The following HDLBP variants were observed in gnomAD, a reference collection of about 807,000 sequenced individuals.
HDLBP encodes the protein high density lipoprotein binding protein.
In HDLBP, 30 loss-of-function variants were observed where a neutral mutation model predicts 137.3. That is an observed-to-expected ratio of 0.22 (90% CI 0.16 to 0.30). The LOEUF is 0.30. Ranked by LOEUF, HDLBP falls within the 10% of genes least tolerant of loss-of-function variation. HDLBP has a pLI of 1.00. For synonymous variants in HDLBP, 606 were observed against 596.0 expected, an observed-to-expected ratio of 1.02 and a Z score of -0.24; for missense variants, 1,119 against 1,667.3, an observed-to-expected ratio of 0.67 and a Z score of 5.73.
chr2:241,308,692 C>G (rs1331581674), intron 1 of HDLBP, among the ~76,000 whole-genome samples: 1 of 152,200 alleles, frequency 6.6e-6, no homozygotes, highest in Non-Finnish European at 1.5e-5. Flanking sequence ...AGTGAAGTAG[C>G]TGAAGGCACA....
intron 11 of HDLBP, among the ~76,000 whole-genome samples, chr2:241,251,851 C>T (rs1559503824): frequency 6.6e-6 from 1 of 152,162 alleles, no homozygotes; most frequent in Non-Finnish European, 1.5e-5. Flanking sequence ...GTGGTGCACG[C>T]CTGTAATCCC....
In HDLBP at chr2:241,297,294, C is replaced by CA. The variant is rs2075215032; in HGVS notation, c.-103+18275_-103+18276insT. Among the ~76,000 whole-genome samples the CA allele has an allele frequency of 2.0e-5, 3 of 152,186 alleles. No individual in the cohort carries two copies. In the South Asian group the frequency reaches 6.2e-4, roughly 32 times the overall value. On this transcript the variant is annotated intron_variant, in intron 1 of 27. Transcript: ENST00000310931. ...GCAGGAAGGTCAACAAGAGGAGCCT[C>CA]GTTCCATACAGGGTGAATAATCAAG... is the stretch of plus-strand genomic sequence containing the variant.
At position 241,233,609 on chromosome 2, in the gene HDLBP, C is replaced by T. The variant is rs1215097434; in HGVS notation, c.3288+211G>A. 6.6e-6 allele frequency among the ~76,000 whole-genome samples: 1 copy of T among 152,034 alleles called. No individual in the cohort carries two copies. The highest frequency in any genetic ancestry group is 1.5e-5 in the Non-Finnish European group (1 of 68,002). ...GAGACGCAGGAGAAAATGCTCCAGG[C>T]CCCAGATGATACATAGTGCCAGAGA... On this transcript the variant is annotated intron_variant, in intron 24 of 27. Transcript: ENST00000310931. This position sits in a 1 kb window ranked among gnomAD's most constrained non-coding sequence, Gnocchi z 4.3.
chr2:241,279,667 T>C (rs1010184497), intron 1 of HDLBP, among the ~76,000 whole-genome samples: 3 of 151,958 alleles, frequency 2.0e-5, no homozygotes, highest in African/African-American at 4.8e-5. Flanking sequence ...TTATCTACAG[T>C]AGGAGGGAAA....
Position 241,272,413 on chromosome 2 carries a change from G to GC in HDLBP, c.-102-3873dup. 1 of 984,440 alleles carries GC rather than the reference G, an allele frequency of 1.0e-6. No individual in the cohort carries two copies. The highest frequency in any genetic ancestry group is 1.2e-6 in the Non-Finnish European group (1 of 829,602). The allele number at this position is 984,440 out of a possible 1,614,324, so 61.0% of individuals were successfully genotyped here. On this transcript the variant is annotated intron_variant, in intron 1 of 27. Coordinates refer to ENST00000310931, the MANE Select transcript of HDLBP (RefSeq NM_005336.6). The surrounding 1 kb of genome is among the most constrained non-coding windows in gnomAD (Gnocchi z 5.6). ...GCCGTGCGGCCACGGCACCAGGGGT[G>GC]CCCCACCGAAGCCCCGGGAGGAGGC...
At position 241,294,840 on chromosome 2, in the gene HDLBP, C is replaced by T. The variant is rs191020348; in HGVS notation, c.-103+20730G>A. Among the ~76,000 whole-genome samples the T allele has an allele frequency of 3.9e-5, 6 of 152,276 alleles. No homozygotes were observed. The East Asian group carries it at 9.6e-4, about 24-fold the overall frequency. On this transcript the variant is annotated intron_variant, in intron 1 of 27. Transcript: ENST00000310931. Reference sequence around the variant, plus strand: ...AATAGGCCAGACCCAGTGGCTCACACCTGTAATCCCAGCACTTTGGGAGGC... The same window carrying T: ...AATAGGCCAGACCCAGTGGCTCACATCTGTAATCCCAGCACTTTGGGAGGC...
At chr2:241,246,403 C>A (rs1257001584) in intron 16 of HDLBP, among the ~76,000 whole-genome samples, 1 of 152,110 alleles carries the variant, frequency 6.6e-6, no homozygotes, top group Non-Finnish European at 1.5e-5. Context: ...AAAACTATTA[C>A]ATTGTACACT....
chr2:241,252,936 G>C, intron 11 of HDLBP, 21 bp downstream of exon 11: 4 of 1,571,204 alleles, frequency 2.5e-6, no homozygotes, highest in Non-Finnish European at 3.5e-6. Flanking sequence ...TGGCCCCACC[G>C]CAACAGACAG....
chr2:241,258,346 CAAAAAAAAAAAA>C (rs34675892), intron 5 of HDLBP, among the ~76,000 whole-genome samples: 5 of 55,458 alleles, frequency 9.0e-5, no homozygotes, highest in East Asian at 1.3e-3. Context: ...GACTCCGTCT[CAAAAAAAAAAAA>C]AAAAAAAAAA....
chr2:241,229,544 C>G lies in HDLBP; in HGVS notation c.*57G>C. 3.1e-6 allele frequency: 4 copies of G among 1,286,372 alleles called. No homozygotes were observed. Among genetic ancestry groups the G allele is most frequent in the Non-Finnish European group, 4.5e-6 (4 of 889,256 alleles). 79.7% of individuals were successfully genotyped at this position (1,286,372 alleles called of 1,614,324 possible). On this transcript the variant is annotated 3_prime_UTR_variant, in exon 28 of 28. Transcript: ENST00000310931. ...GCCGCTGGGTCAGATTGAGACAAACCATTGTGTGGTTGGGTTTGGGTCAGC... is the reference window on the plus strand; with the variant it reads ...GCCGCTGGGTCAGATTGAGACAAACGATTGTGTGGTTGGGTTTGGGTCAGC...
chr2:241,230,632 C>T lies in HDLBP; in HGVS notation c.3474+127G>A. On this transcript the variant is annotated intron_variant, in intron 25 of 27. Coordinates refer to ENST00000310931, the MANE Select transcript of HDLBP (RefSeq NM_005336.6). The surrounding 1 kb of genome is among the most constrained non-coding windows in gnomAD (Gnocchi z 5.0). ...CCCGTGGTGTCCATGAGGACAGTTC[C>T]ACTGCCAGCCCTGGGGTTGTGGCCT... 1 of 815,490 alleles carries T rather than the reference C, an allele frequency of 1.2e-6. No homozygotes were observed. The allele number at this position is 815,490 out of a possible 1,614,324, so 50.5% of individuals were successfully genotyped here. A position where few individuals can be genotyped will look rare whatever the true frequency, so the allele number is the denominator to read the frequency against.
At chr2:241,244,349 A>C (rs906868173) in intron 16 of HDLBP, among the ~76,000 whole-genome samples, 1 of 152,218 alleles carries the variant, frequency 6.6e-6, no homozygotes, top group African/African-American at 2.4e-5. Flanking sequence ...TATATTCAAG[A>C]AGCTCAATAA....
chr2:241,296,214 A>G (rs1161646451), intron 1 of HDLBP, among the ~76,000 whole-genome samples: 1 of 152,242 alleles, frequency 6.6e-6, no homozygotes, highest in Non-Finnish European at 1.5e-5. Flanking sequence ...GATGCATGAA[A>G]CAGACTCACG....
At chr2:241,237,033 G>GTCTCCCTTCTTCATC (rs1340997213) in intron 20 of HDLBP, among the ~76,000 whole-genome samples, 47 of 146,956 alleles carry the variant, frequency 3.2e-4, no homozygotes, top group Non-Finnish European at 2.1e-4. Flanking sequence ...TGAGCTCTGT[G>GTCTCCCTTCTTCATC]TCTCCCTTCT....
At chr2:241,245,665 G>A (rs980857690) in intron 16 of HDLBP, among the ~76,000 whole-genome samples, 9 of 152,078 alleles carry the variant, frequency 5.9e-5, no homozygotes, top group African/African-American at 1.4e-4. Context: ...AGCCTGGTGC[G>A]GTAGCATGCA....
chr2:241,253,113 A>C, intron 10 of HDLBP, 78 bp from the exon 11 acceptor site: 3 of 1,066,650 alleles, frequency 2.8e-6, no homozygotes, highest in Non-Finnish European at 4.3e-6. Flanking sequence ...AGCAGTCTCC[A>C]CGGTTGCCTT....
intron 5 of HDLBP, among the ~76,000 whole-genome samples, chr2:241,262,127 C>T (rs771511178): frequency 5.9e-5 from 9 of 152,336 alleles, no homozygotes; most frequent in South Asian, 2.1e-4. Context: ...CTGCCAAAGA[C>T]GAGGAAACTG....
At chr2:241,301,769 TTG>T (rs2075402753) in intron 1 of HDLBP, among the ~76,000 whole-genome samples, 1 of 151,996 alleles carries the variant, frequency 6.6e-6, no homozygotes, top group African/African-American at 2.4e-5. Context: ...TCCTTTCGTT[TTG>T]TTTTTTTTTT....
Position 241,262,723 on chromosome 2 carries a change from T to A in HDLBP, c.438A>T (p.Arg146Ser). 6.2e-7 allele frequency: 1 copy of A among 1,613,522 alleles called. No homozygotes were observed. The highest frequency in any genetic ancestry group is 8.5e-7 in the Non-Finnish European group (1 of 1,179,730). ...TCAGGCTACCCACCTGAGTCTGCAG[T>A]CTAGCAACAATGTCCTTCCGAGCTT... ...VMKARKDIVA[R>S]LQTQASATVA... The change falls in exon 5 of 28, where the codon AGA (arginine) becomes AGT (serine). Residue 146 changes from arginine to serine, a missense_variant. By Grantham distance (110) the Arg-to-Ser change is moderately radical. Around this residue, in one of 4 missense-constraint regions of HDLBP, gnomAD observed 425 missense variants for 693.9 expected, o/e 0.61. Transcript: ENST00000310931.
Sources: gnomAD v4.1 joint callset for allele counts (sites outside exome capture counted in the v4.1 genomes callset) on GRCh38, gnomAD v4.1.1 for gene constraint, gnomAD v4.1.1 regional missense constraint, Gnocchi (gnomAD v3.1) non-coding constraint, MANE v1.5 for transcripts, NCBI Gene and HGNC (gene_info 2026-07-23, HGNC 2026-07-21) for gene names.